The following TSPEAR variants were observed in gnomAD, a reference collection of about 807,000 sequenced individuals.
TSPEAR encodes the protein thrombospondin type laminin G domain and EAR repeats, also known as thrombospondin-type laminin G domain and EAR repeat-containing protein.
In TSPEAR, 69 loss-of-function variants were observed where a neutral mutation model predicts 71.6. The observed-to-expected ratio is 0.96, with a 90% CI of 0.79 to 1.18. TSPEAR has a LOEUF of 1.18. TSPEAR is among the 50% of genes most tolerant of loss of function. The probability of loss-of-function intolerance (pLI) is 0.00; values close to 1 mark genes in which losing one functional copy is unlikely to be tolerated. For missense variants in TSPEAR, 971 were observed against 894.9 expected (o/e 1.09, Z -1.09); for synonymous variants, 402 against 387.2 (o/e 1.04, Z -0.45).
intron 1 of TSPEAR, among the ~76,000 whole-genome samples, chr21:44,624,817 T>TA (rs1982664254): frequency 1.3e-5 from 2 of 152,322 alleles, no homozygotes; most frequent in East Asian, 3.9e-4. Flanking sequence ...AGTAAATGCC[T>TA]CAATAAGAAA....
chr21:44,643,417 C>T (rs1984129013), intron 1 of TSPEAR, among the ~76,000 whole-genome samples: 1 of 152,122 alleles, frequency 6.6e-6, no homozygotes, highest in South Asian at 2.1e-4. Flanking sequence ...AATGTCTCAT[C>T]ACAAAATAAA....
At chr21:44,655,044 G>A (rs1315319587) in intron 1 of TSPEAR, among the ~76,000 whole-genome samples, 20 of 152,272 alleles carry the variant, frequency 1.3e-4, no homozygotes, top group East Asian at 7.7e-4. Context: ...CCCAAGTAAC[G>A]AGAGCCAAAC....
In TSPEAR at chr21:44,614,463, G is replaced by A. The variant is rs139561532; in HGVS notation, c.83-46458C>T. On this transcript the variant is annotated intron_variant, in intron 1 of 11. Transcript: ENST00000323084. ...GGAGTCCAAGAAACCTCTGCCATTC[G>A]TGAGTGACCAATCCCAGGGCCCAGG... Among the ~76,000 whole-genome samples, 174 of 152,364 alleles carry A rather than the reference G, an allele frequency of 1.1e-3. 1 individual carries two copies. The East Asian group carries it at 0.026, about 22-fold the overall frequency.
intron 1 of TSPEAR, among the ~76,000 whole-genome samples, chr21:44,668,322 A>C (rs1475450723): frequency 3.9e-5 from 6 of 152,242 alleles, no homozygotes; most frequent in African/African-American, 1.4e-4. Context: ...AAAGAACAAA[A>C]TACTCAGGAG....
intron 1 of TSPEAR, among the ~76,000 whole-genome samples, chr21:44,578,297 G>C (rs1978600356): frequency 6.6e-6 from 1 of 152,122 alleles, no homozygotes; most frequent in Non-Finnish European, 1.5e-5. Flanking sequence ...AGATGAAATA[G>C]GCAAATGACT....
chr21:44,649,574 G>GCATGC (rs1199197660), intron 1 of TSPEAR, among the ~76,000 whole-genome samples: 1 of 152,186 alleles, frequency 6.6e-6, no homozygotes, highest in East Asian at 1.9e-4. Context: ...TGGCCCACAC[G>GCATGC]CATGCCACAG....
chr21:44,501,564 T>C (rs1221069718), intron 11 of TSPEAR, among the ~76,000 whole-genome samples: 1 of 152,044 alleles, frequency 6.6e-6, no homozygotes, highest in South Asian at 2.1e-4. Flanking sequence ...GCCACTGCAC[T>C]CCAGCTTGGG....
intron 1 of TSPEAR, chr21:44,690,512 TCTC>T (rs1220410704): frequency 2.0e-6 from 2 of 977,800 alleles, no homozygotes; most frequent in Admixed American, 1.2e-4. Context: ...GCATCAGACA[TCTC>T]ATCAGCAGCA....
intron 2 of TSPEAR, among the ~76,000 whole-genome samples, chr21:44,561,210 A>G (rs972125386): frequency 1.6e-4 from 24 of 152,230 alleles, no homozygotes; most frequent in Non-Finnish European, 2.6e-4. Context: ...AAACACCTCT[A>G]CAAAATAAAC....
intron 1 of TSPEAR, among the ~76,000 whole-genome samples, chr21:44,707,662 C>T (rs1555952738): frequency 1.3e-5 from 2 of 152,134 alleles, no homozygotes; most frequent in Non-Finnish European, 2.9e-5. Context: ...TGACAATTTG[C>T]GCTTCAGGAG....
chr21:44,614,257 G>A lies in TSPEAR; in HGVS notation c.83-46252C>T, dbSNP rs1241706176. Among the ~76,000 whole-genome samples, 3 of 152,246 alleles carry A rather than the reference G, an allele frequency of 2.0e-5. No homozygotes were observed. The East Asian group carries it at 5.8e-4, about 29-fold the overall frequency. ...CAAGCACAGCACACGGTCTGAGCTG[G>A]GGATGGCCGTCCCCACTGACGTCAG... On this transcript the variant is annotated intron_variant, in intron 1 of 11. Coordinates refer to ENST00000323084, the MANE Select transcript of TSPEAR (RefSeq NM_144991.3).
At position 44,605,536 on chromosome 21, in the gene TSPEAR, C is replaced by T. The variant is rs116378932; in HGVS notation, c.83-37531G>A. 9.9e-3 allele frequency among the ~76,000 whole-genome samples: 1,501 copies of T among 152,292 alleles called. 22 individuals are homozygous for T. Among genetic ancestry groups the T allele is most frequent in the African/African-American group, 0.034 (1,418 of 41,564 alleles). On this transcript the variant is annotated intron_variant, in intron 1 of 11. Transcript: ENST00000323084. The stretch of plus-strand genomic sequence containing the variant: ...GAAGAACAAAGCTGGAGGCATCACA[C>T]TCCCTAATTTCAAAATACTTTAAAG...
rs8132826 is a variant in TSPEAR, at chr21:44,623,537, C to T, written c.83-55532G>A. ...CTTTTGTTACACTTCATTTCCTTTT[C>T]GACTTCTTGCTTCCATCTGTGATCA... On this transcript the variant is annotated intron_variant, in intron 1 of 11. Transcript: ENST00000323084. This position sits in a 1 kb window ranked among gnomAD's most constrained non-coding sequence, Gnocchi z 4.5. 0.091 allele frequency among the ~76,000 whole-genome samples: 13,867 copies of T among 152,184 alleles called. 755 individuals carry two copies. Among genetic ancestry groups the T allele is most frequent in the Non-Finnish European group, 0.1 (7,114 of 67,992 alleles).
In TSPEAR at chr21:44,593,868, A is replaced by T. The variant is rs463876; in HGVS notation, c.83-25863T>A. Among the ~76,000 whole-genome samples the T allele has an allele frequency of 3.9e-5, 6 of 152,094 alleles. No homozygotes were observed. Among genetic ancestry groups the T allele is most frequent in the Admixed American group, 3.9e-4 (6 of 15,282 alleles). ...TTCAAACGACTGCAGCTCATCCACC[A>T]GCAGATGCCAACTGACCACGTTCCA... On this transcript the variant is annotated intron_variant, in intron 1 of 11. Transcript: ENST00000323084. This position sits in a 1 kb window ranked among gnomAD's most constrained non-coding sequence, Gnocchi z 5.9.
At chr21:44,550,281 C>G (rs1199422736) in intron 2 of TSPEAR, 5 of 245,880 alleles carry the variant, frequency 2.0e-5, no homozygotes, top group Admixed American at 1.0e-4. Flanking sequence ...TCCACGGGGC[C>G]CAGCCCCCCA....
At chr21:44,647,503 T>A in intron 1 of TSPEAR, 1 of 951,506 alleles carries the variant, frequency 1.1e-6, no homozygotes, top group Non-Finnish European at 1.6e-6. Flanking sequence ...GCGTCACACT[T>A]TCCTCCCCAC....
At chr21:44,682,150 G>A (rs1986634888) in intron 1 of TSPEAR, 2 of 1,608,076 alleles carry the variant, frequency 1.2e-6, no homozygotes, top group African/African-American at 1.3e-5. Flanking sequence ...ATAAGGTCGA[G>A]GCAGAGGGCA....
chr21:44,619,062 T>C (rs184434754), intron 1 of TSPEAR, among the ~76,000 whole-genome samples: 5 of 150,574 alleles, frequency 3.3e-5, no homozygotes, highest in Non-Finnish European at 7.4e-5. Flanking sequence ...CCTCAGGCTC[T>C]GAGCAAGCAG....
rs1332819052 is a variant in TSPEAR at position 44,525,650 on chromosome 21, T to C, written c.1336+3A>G. 3 of 1,613,798 alleles carry C rather than the reference T, an allele frequency of 1.9e-6. No individual in the cohort carries two copies. The highest frequency in any genetic ancestry group is 2.7e-5 in the African/African-American group (2 of 74,930). On this transcript the variant is annotated splice_donor_region_variant and intron_variant, in intron 8 of 11. Transcript: ENST00000323084. ...CCCGGTGTGAAGGCCACTCCTGCCC[T>C]ACCTTCCCGGTGGTTGGCCACCGCC...
Sources: allele counts gnomAD v4.1 joint callset (sites outside exome capture counted in the v4.1 genomes callset), GRCh38; gene constraint gnomAD v4.1.1; non-coding constraint Gnocchi (gnomAD v3.1); transcripts MANE v1.5; gene names NCBI Gene and HGNC (gene_info 2026-07-23, HGNC 2026-07-21).